Variants in TRPM3 observed in about 807,000 individuals in gnomAD.
TRPM3 encodes the protein transient receptor potential cation channel subfamily M member 3.
A neutral mutation model predicts 181.2 loss-of-function variants in TRPM3; 77 were observed. The ratio of observed to expected loss-of-function variants is 0.42; its 90% confidence interval spans 0.35 to 0.51. The LOEUF is 0.51. TRPM3 is among the 20% of genes least tolerant of loss of function. TRPM3 has a pLI of 0.01. For synonymous variants in TRPM3, 745 were observed against 796.4 expected (o/e 0.94, Z 1.09); for missense variants, 1,759 against 2,196.7 (o/e 0.80, Z 3.98).
chr9:71,070,805 C>A (rs1029065923), intron 1 of TRPM3, among the ~76,000 whole-genome samples: 6 of 152,170 alleles, frequency 3.9e-5, no homozygotes, highest in Admixed American at 1.3e-4. Flanking sequence ...CTCATCGTAT[C>A]TGCAGCACTC....
intron 5 of TRPM3, among the ~76,000 whole-genome samples, chr9:70,829,905 C>T (rs2093785833): frequency 6.6e-6 from 1 of 152,164 alleles, no homozygotes; most frequent in Non-Finnish European, 1.5e-5. Context: ...ATTCATTCTA[C>T]AGCAGAGTGC....
chr9:70,930,723 A>G lies in TRPM3; in HGVS notation c.178-66212T>C, dbSNP rs2133404774. ...TTCTTGTAATAAAATTATGATCCAA[A>G]TTCAATTATCCTCAATATCAAAAGT... On this transcript the variant is annotated intron_variant, in intron 1 of 25. Coordinates refer to ENST00000677713, the MANE Select transcript of TRPM3 (RefSeq NM_001366145.2). 2.0e-5 allele frequency among the ~76,000 whole-genome samples: 3 copies of G among 152,260 alleles called. 1 individual carries two copies. The South Asian group carries it at 6.2e-4, about 32-fold the overall frequency.
At chr9:70,871,596 G>A (rs140858301) in intron 1 of TRPM3, among the ~76,000 whole-genome samples, 1 of 152,114 alleles carries the variant, frequency 6.6e-6, no homozygotes, top group African/African-American at 2.4e-5. Context: ...ATGTGAGGTT[G>A]TAGATTATCT....
At chr9:71,374,367 G>A (rs1032949881) in intron 1 of TRPM3, among the ~76,000 whole-genome samples, 6 of 151,774 alleles carry the variant, frequency 4.0e-5, no homozygotes, top group Non-Finnish European at 8.8e-5. Context: ...GAGAGACTCC[G>A]TGTCAAAAAA....
chr9:70,823,070 C>T (rs1405467540), intron 6 of TRPM3, among the ~76,000 whole-genome samples: 1 of 152,158 alleles, frequency 6.6e-6, no homozygotes, highest in Non-Finnish European at 1.5e-5. Context: ...CTGGCCTCTC[C>T]TCCTCACGGA....
chr9:71,317,693 ACG>A (rs942782169), intron 1 of TRPM3, among the ~76,000 whole-genome samples: 7 of 143,720 alleles, frequency 4.9e-5, no homozygotes, highest in Non-Finnish European at 3.1e-5. Context: ...ACACACACAC[ACG>A]CGCACACGCG....
chr9:71,065,071 G>T (rs1266328741), intron 1 of TRPM3, among the ~76,000 whole-genome samples: 1 of 152,126 alleles, frequency 6.6e-6, no homozygotes, highest in Non-Finnish European at 1.5e-5. Context: ...GTAGCTATGG[G>T]ATTGGGCTTG....
At chr9:71,327,055 T>G (rs2089741355) in intron 1 of TRPM3, among the ~76,000 whole-genome samples, 1 of 152,116 alleles carries the variant, frequency 6.6e-6, no homozygotes, top group Admixed American at 6.5e-5. Context: ...TTACAGAAAA[T>G]CCTCCTCAGT....
At chr9:71,297,944 A>T (rs572467704) in intron 1 of TRPM3, among the ~76,000 whole-genome samples, 1 of 152,308 alleles carries the variant, frequency 6.6e-6, no homozygotes, top group African/African-American at 2.4e-5. Flanking sequence ...CAGCAGACTT[A>T]AAGAGGTGAT....
rs1039911927 is a variant in TRPM3 at position 71,256,813 on chromosome 9, G to A, written c.183+189840C>T. On this transcript the variant is annotated intron_variant, in intron 1 of 24. Coordinates refer to the TRPM3 transcript ENST00000357533. ...AAAAAATCTGTGCTATGACTTATAG[G>A]CTGATATGAAATTTGAAGGTTTAGA... 3.3e-5 allele frequency among the ~76,000 whole-genome samples: 5 copies of A among 152,218 alleles called. No homozygotes were observed. In the South Asian group the frequency reaches 1.0e-3, roughly 32 times the overall value.
chr9:71,306,621 A>T (rs956369745), intron 1 of TRPM3, among the ~76,000 whole-genome samples: 1 of 152,192 alleles, frequency 6.6e-6, no homozygotes, highest in Non-Finnish European at 1.5e-5. Context: ...CACGCCTGTA[A>T]TCCCAGCACT....
At position 70,827,845 on chromosome 9, in the gene TRPM3, AC is replaced by A. The variant is rs1409874455; in HGVS notation, c.973+1del. 1 of 1,613,666 alleles carries A rather than the reference AC, an allele frequency of 6.2e-7. No homozygotes were observed. Among genetic ancestry groups the A allele is most frequent in the African/African-American group, 1.3e-5 (1 of 75,032 alleles). ...ATGCCAGTGGGAACAACCGCTACTTACTTGTGTTTATCTTCTGGAGTGAAAT... is the reference window on the plus strand; with the variant it reads ...ATGCCAGTGGGAACAACCGCTACTTATTGTGTTTATCTTCTGGAGTGAAAT... On this transcript the variant is annotated splice_donor_variant, in intron 6 of 25. Coordinates refer to ENST00000677713, the MANE Select transcript of TRPM3 (RefSeq NM_001366145.2). LOFTEE classifies it high-confidence loss of function.
chr9:70,666,636 A>G (rs111931619), intron 9 of TRPM3, among the ~76,000 whole-genome samples: 5,338 of 152,178 alleles, frequency 0.035, 305 homozygotes, highest in African/African-American at 0.12. Context: ...AGTTCTTTGC[A>G]TGTGGCCCAC....
chr9:70,607,921 A>C (rs915109531), intron 19 of TRPM3, among the ~76,000 whole-genome samples: 1 of 152,218 alleles, frequency 6.6e-6, no homozygotes, highest in Non-Finnish European at 1.5e-5. Context: ...CAGTCAGCCT[A>C]TTGCTAATGG....
chr9:70,953,054 C>T (rs986124308), intron 1 of TRPM3, among the ~76,000 whole-genome samples: 10 of 152,158 alleles, frequency 6.6e-5, no homozygotes, highest in East Asian at 3.9e-4. Flanking sequence ...TAAAGCTGGA[C>T]GGTCATCTAC....
In TRPM3 at chr9:70,965,588, T is replaced by C. The variant is rs181824964; in HGVS notation, c.178-101077A>G. Among the ~76,000 whole-genome samples the C allele has an allele frequency of 3.7e-4, 57 of 152,222 alleles. No homozygotes were observed. In the South Asian group the frequency reaches 4.6e-3, roughly 12 times the overall value. On this transcript the variant is annotated intron_variant, in intron 1 of 25. Transcript: ENST00000677713. Reference sequence around the variant, plus strand: ...TATGTGAGGAATCACATTTATTGATTTGTGTATGTTGAACCAACCTTGCAT... The same window carrying C: ...TATGTGAGGAATCACATTTATTGATCTGTGTATGTTGAACCAACCTTGCAT...
At chr9:70,957,428 G>A (rs1305084115) in intron 1 of TRPM3, among the ~76,000 whole-genome samples, 1 of 152,154 alleles carries the variant, frequency 6.6e-6, no homozygotes, top group African/African-American at 2.4e-5. Flanking sequence ...TATCACTGCT[G>A]AGAGGGGAGG....
At chr9:71,060,119 C>G (rs1034220021) in intron 1 of TRPM3, among the ~76,000 whole-genome samples, 1 of 152,094 alleles carries the variant, frequency 6.6e-6, no homozygotes, top group Non-Finnish European at 1.5e-5. Context: ...GAAGTTATAG[C>G]AGGCATATCT....
chr9:70,766,481 G>A (rs2079149229), intron 7 of TRPM3, among the ~76,000 whole-genome samples: 1 of 151,958 alleles, frequency 6.6e-6, no homozygotes, highest in Admixed American at 6.6e-5. Context: ...TTCAGACACA[G>A]TATGAGAAAA....
Sources: gnomAD v4.1 joint callset for allele counts (sites outside exome capture counted in the v4.1 genomes callset) on GRCh38, gnomAD v4.1.1 for gene constraint, MANE v1.5 for transcripts, NCBI Gene and HGNC (gene_info 2026-07-23, HGNC 2026-07-21) for gene names.